PATJ: variants seen among roughly 807,000 people sequenced by gnomAD.
The protein encoded by PATJ is inaD-like protein.
In PATJ, 190 loss-of-function variants were observed where a neutral mutation model predicts 224.9. The observed-to-expected ratio is 0.84, with a 90% CI of 0.75 to 0.95. The LOEUF (loss-of-function observed/expected upper bound fraction) is 0.95, where lower values mean the gene tolerates loss of function less well. PATJ is among the 40% of genes least tolerant of loss of function. The pLI, the probability that PATJ is intolerant of heterozygous loss-of-function variation, is 0.00. For synonymous variants in PATJ, 769 were observed against 820.3 expected, an observed-to-expected ratio of 0.94 and a Z score of 1.07; for missense variants, 2,121 against 2,270.3, an observed-to-expected ratio of 0.93 and a Z score of 1.34.
At chr1:62,089,621 A>G (rs1022666515) in intron 33 of PATJ, among the ~76,000 whole-genome samples, 4 of 152,104 alleles carry the variant, frequency 2.6e-5, no homozygotes, top group African/African-American at 7.2e-5. Flanking sequence ...GTTGGAAAGC[A>G]CTTTAACAAA....
intron 25 of PATJ, among the ~76,000 whole-genome samples, chr1:61,909,957 A>AT (rs1433552553): frequency 1.3e-5 from 2 of 152,220 alleles, no homozygotes; most frequent in Admixed American, 1.3e-4. Flanking sequence ...TCTTAGCACT[A>AT]TGTTTACATC....
At chr1:61,817,438 T>C (rs1441206572) in intron 14 of PATJ, among the ~76,000 whole-genome samples, 1 of 151,966 alleles carries the variant, frequency 6.6e-6, no homozygotes, top group African/African-American at 2.4e-5. Context: ...CCGAGGTGGG[T>C]GGATCACCTG....
At chr1:61,886,991 T>A (rs1668971853) in intron 22 of PATJ, among the ~76,000 whole-genome samples, 1 of 150,616 alleles carries the variant, frequency 6.6e-6, no homozygotes, top group African/African-American at 2.4e-5. Flanking sequence ...AAAAAAAAAA[T>A]ACATGTTACT....
At chr1:61,974,470 A>G (rs1644017233) in intron 27 of PATJ, among the ~76,000 whole-genome samples, 1 of 130,778 alleles carries the variant, frequency 7.6e-6, no homozygotes, top group Non-Finnish European at 1.5e-5. Flanking sequence ...CTAGAGTGCA[A>G]TGGCGCAATC....
intron 21 of PATJ, among the ~76,000 whole-genome samples, chr1:61,878,962 T>A (rs1210647074): frequency 2.0e-5 from 3 of 152,048 alleles, no homozygotes; most frequent in Non-Finnish European, 4.4e-5. Flanking sequence ...TTTTTTGTAT[T>A]TTTAGTAGAG....
rs1356937495 is a variant in PATJ, at chr1:62,106,158, G to GTGTATATA, written c.4378-2278_4378-2277insGTATATAT. Among the ~76,000 whole-genome samples the GTGTATATA allele has an allele frequency of 2.9e-3, 141 of 48,052 alleles. 20 individuals carry two copies. Among genetic ancestry groups the GTGTATATA allele is most frequent in the Non-Finnish European group, 4.8e-3 (109 of 22,806 alleles). The allele number at this position is 48,052 out of a possible 152,430, so 31.5% of individuals were successfully genotyped here. Reference sequence around the variant, plus strand: ...TACATGTGTATATGTGTGTGTGTGTGTATATATATATATATATATATATAT... The same window carrying GTGTATATA: ...TACATGTGTATATGTGTGTGTGTGTGTGTATATATATATATATATATATATATATATAT... On this transcript the variant is annotated intron_variant, in intron 33 of 43. Coordinates refer to ENST00000642238, the MANE Select transcript of PATJ (RefSeq NM_001350145.3).
At chr1:61,886,674 G>T (rs1668886170) in intron 22 of PATJ, among the ~76,000 whole-genome samples, 1 of 151,650 alleles carries the variant, frequency 6.6e-6, no homozygotes, top group Non-Finnish European at 1.5e-5. Context: ...ACAAAAATTA[G>T]CCAGGCATGG....
Position 61,833,781 on chromosome 1 carries a change from A to G in PATJ, c.2108A>G (p.Tyr703Cys). 6.2e-7 allele frequency: 1 copy of G among 1,613,148 alleles called. No homozygotes were observed. The highest frequency in any genetic ancestry group is 8.5e-7 in the Non-Finnish European group (1 of 1,179,428). The part of the protein sequence containing the change: ...CKGLGFSILD[Y>C]QDPLDPTRSV... ...GGTTTGGGATTCAGCATTTTGGATT[A>G]CCAGGTATAAGAACCTGTGTAGAGG... Residue 703 changes from tyrosine to cysteine, a missense_variant, in exon 17 of 44, where the codon TAC (tyrosine) becomes TGC (cysteine). Transcript: ENST00000642238.
At chr1:62,137,532 G>A (rs796093333) in intron 41 of PATJ, among the ~76,000 whole-genome samples, 17 of 3,004 alleles carry the variant, frequency 5.7e-3, no homozygotes, top group Non-Finnish European at 7.5e-3. Context: ...GCAGTCTGAG[G>A]GGGAAATGCC....
At position 62,153,943 on chromosome 1, in the gene PATJ, G is replaced by A. The variant is rs564619882; in HGVS notation, c.5502+462G>A. Among the ~76,000 whole-genome samples, 6 of 152,210 alleles carry A rather than the reference G, an allele frequency of 3.9e-5. No individual in the cohort carries two copies. In the East Asian group the frequency reaches 7.7e-4, roughly 20 times the overall value. On this transcript the variant is annotated intron_variant, in intron 43 of 43. Coordinates refer to ENST00000642238, the MANE Select transcript of PATJ (RefSeq NM_001350145.3). ...TTTGAGAGGGAGTTTCGCTCTTGTC[G>A]CCCAGGCTGGAGTGCAATGGCTTGA...
chr1:62,150,538 A>G (rs1234564338), intron 42 of PATJ, among the ~76,000 whole-genome samples: 1 of 152,036 alleles, frequency 6.6e-6, no homozygotes, highest in African/African-American at 2.4e-5. Context: ...TGGATCCAGC[A>G]TAGTGGTGCA....
At position 61,808,550 on chromosome 1, in the gene PATJ, A is replaced by C; in HGVS notation, c.1683+20A>C. 1 of 1,530,058 alleles carries C rather than the reference A, an allele frequency of 6.5e-7. No homozygotes were observed. The highest frequency in any genetic ancestry group is 1.1e-5 in the South Asian group (1 of 88,646). 94.8% of individuals were successfully genotyped at this position (1,530,058 alleles called of 1,614,324 possible). ...TCAAAGGTAAGCATTTTTTATAACA[A>C]AGTTAACAGTTTTATTTTTTTTAAG... On this transcript the variant is annotated intron_variant, in intron 14 of 43. Coordinates refer to ENST00000642238, the MANE Select transcript of PATJ (RefSeq NM_001350145.3).
intron 37 of PATJ, among the ~76,000 whole-genome samples, chr1:62,118,087 G>A (rs1664650085): frequency 6.6e-6 from 1 of 152,132 alleles, no homozygotes; most frequent in East Asian, 1.9e-4. Context: ...TAAAAAATGA[G>A]TGAGGAAAAT....
intron 39 of PATJ, among the ~76,000 whole-genome samples, chr1:62,127,601 T>C (rs145853836): frequency 0.035 from 5,389 of 151,852 alleles, 288 homozygotes; most frequent in African/African-American, 0.12. Flanking sequence ...AGGTCAGGAG[T>C]TGGAGACCTG....
intron 41 of PATJ, among the ~76,000 whole-genome samples, chr1:62,138,182 G>A (rs1667149312): frequency 6.6e-6 from 1 of 152,180 alleles, no homozygotes; most frequent in Non-Finnish European, 1.5e-5. Flanking sequence ...GGCGACTTAG[G>A]AAGTTCTAGT....
At chr1:61,852,928 G>A (rs972057102) in intron 17 of PATJ, among the ~76,000 whole-genome samples, 2 of 152,160 alleles carry the variant, frequency 1.3e-5, no homozygotes, top group African/African-American at 4.8e-5. Flanking sequence ...ATCACAGGCA[G>A]AAAAGTCATC....
intron 31 of PATJ, among the ~76,000 whole-genome samples, chr1:62,064,793 A>C (rs1014489248): frequency 6.6e-6 from 1 of 152,164 alleles, no homozygotes; most frequent in Non-Finnish European, 1.5e-5. Context: ...CTTAAAATCA[A>C]TTTTTACCCC....
At chr1:62,008,945 A>G (rs1355691312) in intron 28 of PATJ, among the ~76,000 whole-genome samples, 1 of 152,202 alleles carries the variant, frequency 6.6e-6, no homozygotes, top group African/African-American at 2.4e-5. Context: ...TTGTGGGATG[A>G]TATCAAAGAT....
At chr1:61,981,509 CA>C (rs1571634824) in intron 27 of PATJ, among the ~76,000 whole-genome samples, 1 of 151,718 alleles carries the variant, frequency 6.6e-6, no homozygotes, top group Non-Finnish European at 1.5e-5. Context: ...TTTGTTTATC[CA>C]AAATTTTATA....
Sources: gnomAD v4.1 joint callset for allele counts (sites outside exome capture counted in the v4.1 genomes callset) on GRCh38, gnomAD v4.1.1 for gene constraint, MANE v1.5 for transcripts, NCBI Gene and HGNC (gene_info 2026-07-23, HGNC 2026-07-21) for gene names.